SIPA1L2: variants seen among roughly 807,000 people sequenced by gnomAD.
SIPA1L2 encodes signal induced proliferation associated 1 like 2, also known as signal-induced proliferation-associated 1-like protein 2.
A neutral mutation model predicts 163.9 loss-of-function variants in SIPA1L2; 56 were observed. That is an observed-to-expected ratio of 0.34 (90% CI 0.28 to 0.43). The LOEUF (loss-of-function observed/expected upper bound fraction) is 0.43, where lower values mean the gene tolerates loss of function less well. Among genes scored for constraint, SIPA1L2 ranks in the 20% least tolerant of loss-of-function variants. The pLI is 1.00. For synonymous variants in SIPA1L2, 877 were observed against 865.7 expected (o/e 1.01, Z -0.23); for missense variants, 1,974 against 2,193.5 (o/e 0.90, Z 2.00).
At chr1:232,535,399 G>A (rs1231903639) in intron 2 of SIPA1L2, among the ~76,000 whole-genome samples, 1 of 152,086 alleles carries the variant, frequency 6.6e-6, no homozygotes, top group East Asian at 1.9e-4. Flanking sequence ...ATTGTAAAAT[G>A]TCTTTAGTCT....
chr1:232,480,280 A>G (rs1665279938), intron 6 of SIPA1L2, among the ~76,000 whole-genome samples: 1 of 152,074 alleles, frequency 6.6e-6, no homozygotes, highest in Non-Finnish European at 1.5e-5. Context: ...TGGAAATGAG[A>G]ACAAAAAATG....
At chr1:232,626,673 T>G (rs1663093414) in intron 1 of SIPA1L2, among the ~76,000 whole-genome samples, 2 of 152,190 alleles carry the variant, frequency 1.3e-5, no homozygotes, top group Admixed American at 1.3e-4. Context: ...GATTTCAAGG[T>G]AAACCAAGTA....
At position 232,505,111 on chromosome 1, in the gene SIPA1L2, A is replaced by T. The variant is rs546428145; in HGVS notation, c.1483+8746T>A. ...AAGACTGAAGAAGGAAGGAAGGCAG[A>T]TTATTAAAGGCTTCTTTTCATAACC... On this transcript the variant is annotated intron_variant, in intron 3 of 22. Coordinates refer to ENST00000674635, the MANE Select transcript of SIPA1L2 (RefSeq NM_020808.5). Among the ~76,000 whole-genome samples the T allele has an allele frequency of 6.6e-5, 10 of 152,372 alleles. No individual in the cohort carries two copies. In the South Asian group the frequency reaches 1.9e-3, roughly 28 times the overall value.
At chr1:232,585,617 A>C (rs1009420677) in intron 1 of SIPA1L2, among the ~76,000 whole-genome samples, 1 of 152,224 alleles carries the variant, frequency 6.6e-6, no homozygotes, top group African/African-American at 2.4e-5. Flanking sequence ...CTCTGTGCAC[A>C]TGTAAAAGGG....
rs1184757449 is a variant in SIPA1L2, at chr1:232,399,254, A to G, written c.5042T>C (p.Val1681Ala). 1.2e-6 allele frequency: 2 copies of G among 1,613,272 alleles called. No individual in the cohort carries two copies. The highest frequency in any genetic ancestry group is 1.7e-6 in the Non-Finnish European group (2 of 1,179,918). ...CAGGTGCTGCACTTCTGCTTGGAGAACGGCCTTGTCTTGTTTTTCCTGGTC... is the reference window on the plus strand; with the variant it reads ...CAGGTGCTGCACTTCTGCTTGGAGAGCGGCCTTGTCTTGTTTTTCCTGGTC... ...DLRKEKQDKAVLQAEVQHLRQ... is the reference protein window; with the variant it reads ...DLRKEKQDKAALQAEVQHLRQ... Residue 1681 changes from valine to alanine, a missense_variant, in exon 23 of 23, where the codon GTT becomes GCT. Physicochemically the swap from Val to Ala is moderately conservative, Grantham distance 64. This residue lies in a region of SIPA1L2 where 1,079 missense variants were observed against 1,150.7 expected (regional missense o/e 0.94). Transcript: ENST00000674635.
chr1:232,398,991 TG>T lies in SIPA1L2; in HGVS notation c.*135del. On this transcript the variant is annotated 3_prime_UTR_variant, in exon 23 of 23. Coordinates refer to ENST00000674635, the MANE Select transcript of SIPA1L2 (RefSeq NM_020808.5). ...AGAGTCGAGGCTCCCTATCCTGCTGTGGTGAATGGTGCTACACAGAATGGAA... is the reference window on the plus strand; with the variant it reads ...AGAGTCGAGGCTCCCTATCCTGCTGTGTGAATGGTGCTACACAGAATGGAA... The T allele has an allele frequency of 2.5e-6, 3 of 1,197,068 alleles. No homozygotes were observed. Among genetic ancestry groups the T allele is most frequent in the Non-Finnish European group, 3.5e-6 (3 of 859,102 alleles). 74.2% of individuals were successfully genotyped at this position (1,197,068 alleles called of 1,614,324 possible).
At chr1:232,585,933 C>T (rs1660631636) in intron 1 of SIPA1L2, among the ~76,000 whole-genome samples, 1 of 152,066 alleles carries the variant, frequency 6.6e-6, no homozygotes, top group African/African-American at 2.4e-5. Context: ...ATGAGCAAGA[C>T]TGGAAAAGGT....
chr1:232,620,123 T>A (rs1165852982), intron 1 of SIPA1L2, among the ~76,000 whole-genome samples: 1 of 152,170 alleles, frequency 6.6e-6, no homozygotes. Flanking sequence ...GAACTCATGA[T>A]CCGCCCGCCT....
rs1558236966 is a variant in SIPA1L2 at position 232,514,695 on chromosome 1, G to C, written c.645C>G (p.Tyr215Ter). 1 of 1,614,152 alleles carries C rather than the reference G, an allele frequency of 6.2e-7. No homozygotes were observed. The highest frequency in any genetic ancestry group is 1.3e-5 in the African/African-American group (1 of 75,036). The change falls in exon 3 of 23, where the codon TAC becomes TAG. Residue 215 changes from tyrosine to a stop codon, truncating the protein, a stop_gained. Coordinates refer to ENST00000674635, the MANE Select transcript of SIPA1L2 (RefSeq NM_020808.5). LOFTEE classifies it high-confidence loss of function. The stretch of plus-strand genomic sequence containing the variant: ...CTTTGTGGTCATAATTTTCTACTCG[G>C]TACCCTCTGAGCATAGCAAAAAAGT... Reference protein sequence around the residue: ...GENFFAMLRGYRVENYDHKAM... With the variant: ...GENFFAMLRG
At chr1:232,582,337 T>G (rs1017385786) in intron 1 of SIPA1L2, among the ~76,000 whole-genome samples, 1 of 152,140 alleles carries the variant, frequency 6.6e-6, no homozygotes, top group Non-Finnish European at 1.5e-5. Flanking sequence ...TAGTCTGCAG[T>G]ATCTTATTCC....
chr1:232,513,300 C>T (rs1458578451), intron 3 of SIPA1L2, among the ~76,000 whole-genome samples: 6 of 152,244 alleles, frequency 3.9e-5, no homozygotes, highest in Non-Finnish European at 2.9e-5. Flanking sequence ...TAATTTATCA[C>T]TTGTGTCTTA....
intron 9 of SIPA1L2, among the ~76,000 whole-genome samples, chr1:232,464,304 G>T (rs896836723): frequency 6.6e-6 from 1 of 152,148 alleles, no homozygotes; most frequent in Non-Finnish European, 1.5e-5. Flanking sequence ...TCTTTCTTAA[G>T]TCTAACTTTT....
intron 10 of SIPA1L2, among the ~76,000 whole-genome samples, chr1:232,454,889 G>T (rs1663805271): frequency 6.6e-6 from 1 of 152,190 alleles, no homozygotes; most frequent in African/African-American, 2.4e-5. Flanking sequence ...ATATGAATAA[G>T]TACTACTGCA....
intron 15 of SIPA1L2, among the ~76,000 whole-genome samples, chr1:232,435,953 T>C (rs971893228): frequency 6.6e-6 from 1 of 150,768 alleles, no homozygotes; most frequent in Non-Finnish European, 1.5e-5. Flanking sequence ...AACTCCCGGG[T>C]GGCTGCCAAG....
intron 1 of SIPA1L2, among the ~76,000 whole-genome samples, chr1:232,601,998 A>G (rs1661620076): frequency 6.6e-6 from 1 of 152,202 alleles, no homozygotes. Context: ...GAGGGTGCAA[A>G]GACAAAAACC....
At chr1:232,509,479 G>T (rs1265100216) in intron 3 of SIPA1L2, among the ~76,000 whole-genome samples, 1 of 151,938 alleles carries the variant, frequency 6.6e-6, no homozygotes, top group South Asian at 2.1e-4. Context: ...TTGAGAGAAG[G>T]GAAAAGCAAA....
At chr1:232,496,879 T>C (rs934856832) in intron 3 of SIPA1L2, among the ~76,000 whole-genome samples, 5 of 152,168 alleles carry the variant, frequency 3.3e-5, no homozygotes, top group African/African-American at 1.2e-4. Flanking sequence ...AAAGCTTCCT[T>C]CTTATAACAC....
chr1:232,479,173 TAA>T (rs1252052346), intron 7 of SIPA1L2, among the ~76,000 whole-genome samples: 1 of 152,174 alleles, frequency 6.6e-6, no homozygotes, highest in Non-Finnish European at 1.5e-5. Flanking sequence ...TTTTTCTCTT[TAA>T]AAAGGTCAAG....
At chr1:232,606,468 T>C (rs912122368) in intron 1 of SIPA1L2, among the ~76,000 whole-genome samples, 2 of 152,154 alleles carry the variant, frequency 1.3e-5, no homozygotes, top group Admixed American at 1.3e-4. Flanking sequence ...ACGGTATTTT[T>C]AAAGTAAATG....
Sources: gnomAD v4.1 joint callset for allele counts (sites outside exome capture counted in the v4.1 genomes callset) on GRCh38, gnomAD v4.1.1 for gene constraint, gnomAD v4.1.1 regional missense constraint, MANE v1.5 for transcripts, NCBI Gene and HGNC (gene_info 2026-07-23, HGNC 2026-07-21) for gene names.